SUGCT: variants seen among roughly 807,000 people sequenced by gnomAD.
The protein encoded by SUGCT is succinyl-CoA:glutarate CoA-transferase.
A neutral mutation model predicts 55.0 loss-of-function variants in SUGCT; 41 were observed. That is an observed-to-expected ratio of 0.74 (90% CI 0.58 to 0.97). The LOEUF is 0.97. SUGCT is among the 50% of genes least tolerant of loss of function. The pLI, the probability that SUGCT is intolerant of heterozygous loss-of-function variation, is 0.00. For missense variants in SUGCT, 568 were observed against 547.8 expected (o/e 1.04, Z -0.37); for synonymous variants, 187 against 200.4 (o/e 0.93, Z 0.56).
intron 12 of SUGCT, among the ~76,000 whole-genome samples, chr7:40,641,681 A>T (rs898014501): frequency 6.6e-6 from 1 of 152,206 alleles, no homozygotes; most frequent in African/African-American, 2.4e-5. Context: ...GTTATGGCCC[A>T]TGGCAGGAAA....
rs74841450 is a variant in SUGCT, at chr7:40,625,068, T to A, written c.1090-124366T>A. On this transcript the variant is annotated intron_variant, in intron 12 of 13. Transcript: ENST00000335693. ...CTGTCCTTTGAGATTGAAATAAAAT[T>A]GCCTCAATCCCCCATTTCATATCTC... Among the ~76,000 whole-genome samples the A allele has an allele frequency of 1.5e-3, 224 of 152,240 alleles. 1 individual carries two copies. The highest frequency in any genetic ancestry group is 4.9e-3 in the African/African-American group (203 of 41,552).
chr7:40,832,553 G>GTTTTTTTTTTT (rs1420713072), intron 13 of SUGCT, among the ~76,000 whole-genome samples: 1 of 133,580 alleles, frequency 7.5e-6, no homozygotes, highest in Non-Finnish European at 1.6e-5. Flanking sequence ...GTTTTCCAGG[G>GTTTTTTTTTTT]TTTTTTTTGT....
intron 9 of SUGCT, among the ~76,000 whole-genome samples, chr7:40,350,136 C>A (rs1474682605): frequency 6.6e-6 from 1 of 151,704 alleles, no homozygotes; most frequent in Admixed American, 6.6e-5. Context: ...TAATATTGTT[C>A]TTTTTAAAAT....
chr7:40,401,940 A>T (rs1014838467), intron 9 of SUGCT, among the ~76,000 whole-genome samples: 6 of 152,236 alleles, frequency 3.9e-5, no homozygotes, highest in African/African-American at 1.4e-4. Context: ...AAATGCTCCA[A>T]ATTTCTCTCT....
chr7:40,656,715 C>G (rs192324202), intron 12 of SUGCT, among the ~76,000 whole-genome samples: 63 of 152,264 alleles, frequency 4.1e-4, no homozygotes, highest in African/African-American at 1.4e-3. Context: ...AAACAGAATT[C>G]CAATTTAATT....
intron 12 of SUGCT, among the ~76,000 whole-genome samples, chr7:40,658,722 C>A (rs934145030): frequency 6.6e-6 from 1 of 152,168 alleles, no homozygotes; most frequent in African/African-American, 2.4e-5. Flanking sequence ...GTTGTGAGTA[C>A]TTTCTCACAG....
intron 13 of SUGCT, among the ~76,000 whole-genome samples, chr7:40,843,212 G>A (rs1390283986): frequency 6.6e-6 from 1 of 152,068 alleles, no homozygotes; most frequent in Non-Finnish European, 1.5e-5. Context: ...GTGGCAGGAT[G>A]AAAAAAAGTA....
the SUGCT span, among the ~76,000 whole-genome samples, chr7:41,037,732 T>C: frequency 2.0e-5 from 3 of 151,200 alleles, no homozygotes; most frequent in East Asian, 5.8e-4. Flanking sequence ...TTCACCGCCA[T>C]GTGTGCACTT....
chr7:40,475,842 A>G (rs959316496), intron 11 of SUGCT, among the ~76,000 whole-genome samples: 7 of 149,790 alleles, frequency 4.7e-5, no homozygotes, highest in Non-Finnish European at 1.0e-4. Context: ...CCATGTTCAG[A>G]GAGAGTGAAC....
chr7:40,891,764 C>G, the SUGCT span, among the ~76,000 whole-genome samples: 1 of 152,128 alleles, frequency 6.6e-6, no homozygotes, highest in Admixed American at 6.5e-5. Context: ...AATCCCAGCA[C>G]TTTGGGAGGC....
chr7:41,007,212 T>C, the SUGCT span, among the ~76,000 whole-genome samples: 2 of 152,238 alleles, frequency 1.3e-5, no homozygotes, highest in South Asian at 4.1e-4. Context: ...GAGTCATCAT[T>C]CAAAAACAAA....
chr7:40,181,213 A>T (rs905740760), intron 2 of SUGCT, among the ~76,000 whole-genome samples: 3 of 152,182 alleles, frequency 2.0e-5, no homozygotes, highest in Non-Finnish European at 4.4e-5. Context: ...ATAATCTTAA[A>T]AAACAAAAAT....
the SUGCT span, among the ~76,000 whole-genome samples, chr7:40,899,629 T>G: frequency 3.3e-5 from 5 of 151,978 alleles, no homozygotes; most frequent in Non-Finnish European, 7.4e-5. Flanking sequence ...CAATATGGTT[T>G]TTATAAACTT....
At chr7:40,483,633 G>C (rs1791177960) in intron 11 of SUGCT, among the ~76,000 whole-genome samples, 1 of 151,498 alleles carries the variant, frequency 6.6e-6, no homozygotes, top group East Asian at 1.9e-4. Context: ...TTATGTAACT[G>C]ATAAAGGATT....
rs61318990 is a variant in SUGCT, at chr7:40,224,399, CGTGTGT to C, written c.485-13210_485-13205del. Among the ~76,000 whole-genome samples, 601 of 145,226 alleles carry C rather than the reference CGTGTGT, an allele frequency of 4.1e-3. 2 individuals carry two copies. The highest frequency in any genetic ancestry group is 0.024 in the South Asian group (109 of 4,526). On this transcript the variant is annotated intron_variant, in intron 6 of 13. Transcript: ENST00000335693. The stretch of plus-strand genomic sequence containing the variant: ...CTTCTAGGATTTAGGATAATCTGTG[CGTGTGT>C]GTGTGTGTGTGTGTGTGTGTGTGTG...
chr7:40,187,591 C>T (rs1028434474), intron 3 of SUGCT, among the ~76,000 whole-genome samples: 1 of 152,170 alleles, frequency 6.6e-6, no homozygotes, highest in African/African-American at 2.4e-5. Context: ...CTGTAGGCCT[C>T]CAGTTTAGAC....
At chr7:41,013,139 G>A in the SUGCT span, among the ~76,000 whole-genome samples, 1 of 151,960 alleles carries the variant, frequency 6.6e-6, no homozygotes, top group East Asian at 1.9e-4. Context: ...CTGCTGTGCT[G>A]GTTCAGAACA....
intron 9 of SUGCT, among the ~76,000 whole-genome samples, chr7:40,369,191 C>T (rs1406758697): frequency 4.0e-5 from 6 of 151,714 alleles, no homozygotes; most frequent in Admixed American, 3.9e-4. Context: ...GTGAGATTAG[C>T]ACTAGATGGC....
chr7:40,646,699 G>A (rs1800532675), intron 12 of SUGCT, among the ~76,000 whole-genome samples: 1 of 152,006 alleles, frequency 6.6e-6, no homozygotes, highest in South Asian at 2.1e-4. Flanking sequence ...CCACAAACAG[G>A]CCTTCCCCAA....
Sources: allele counts gnomAD v4.1 joint callset (sites outside exome capture counted in the v4.1 genomes callset), GRCh38; gene constraint gnomAD v4.1.1; transcripts MANE v1.5; gene names NCBI Gene and HGNC (gene_info 2026-07-23, HGNC 2026-07-21).